The following SENP3 variants were observed in gnomAD, a reference collection of about 807,000 sequenced individuals.
SENP3 encodes SUMO specific peptidase 3.
In SENP3, 11 loss-of-function variants were observed where a neutral mutation model predicts 66.2. That is an observed-to-expected ratio of 0.17 (90% CI 0.10 to 0.28). SENP3 has a LOEUF of 0.28. Ranked by LOEUF, SENP3 falls within the 10% of genes least tolerant of loss-of-function variation. The pLI is 1.00. For missense variants in SENP3, 548 were observed against 743.7 expected, an observed-to-expected ratio of 0.74 and a Z score of 3.06; for synonymous variants, 292 against 277.6, an observed-to-expected ratio of 1.05 and a Z score of -0.52.
In SENP3 at chr17:7,565,721, T is replaced by C; in HGVS notation, c.1220T>C (p.Met407Thr). 6.2e-7 allele frequency: 1 copy of C among 1,614,002 alleles called. No homozygotes were observed. Among genetic ancestry groups the C allele is most frequent in the Non-Finnish European group, 8.5e-7 (1 of 1,179,888 alleles). ...TGCCTCCCATCTTCTCCCCAGGTGA[T>C]GAACATGTATGGAGACCTGGTCATG... ...YGQNWLNDQV[M>T]NMYGDLVMDT... The change falls in exon 6 of 11, where the codon ATG (methionine) becomes ACG (threonine). Residue 407 changes from methionine to threonine, a missense_variant. Around this residue, in one of 6 missense-constraint regions of SENP3, gnomAD observed 72 missense variants for 137.9 expected, o/e 0.52. Coordinates refer to ENST00000321337, the MANE Select transcript of SENP3 (RefSeq NM_015670.6).
rs574294709 is a variant in SENP3, at chr17:7,565,243, C to T, written c.1067+173C>T. Reference sequence around the variant, plus strand: ...TGGAAGCTGATGGGAGAGTCTTTACCTGGGACCCTGAAATGTTCTACCTGA... The same window carrying T: ...TGGAAGCTGATGGGAGAGTCTTTACTTGGGACCCTGAAATGTTCTACCTGA... On this transcript the variant is annotated intron_variant, in intron 4 of 10. Transcript: ENST00000321337. 86 of 805,114 alleles carry T rather than the reference C, an allele frequency of 1.1e-4. No homozygotes were observed. In the African/African-American group the frequency reaches 1.4e-3, roughly 13 times the overall value. 49.9% of individuals were successfully genotyped at this position (805,114 alleles called of 1,614,324 possible). A position where few individuals can be genotyped will look rare whatever the true frequency, so the allele number is the denominator to read the frequency against.
rs772697573 is a variant in SENP3, at chr17:7,563,448, GCGC to G, written c.381_383del (p.Arg128del). 7.9e-7 allele frequency: 1 copy of G among 1,259,274 alleles called. No homozygotes were observed. The highest frequency in any genetic ancestry group is 1.0e-6 in the Non-Finnish European group (1 of 954,168). 78.0% of individuals were successfully genotyped at this position (1,259,274 alleles called of 1,614,324 possible). On this transcript the variant is annotated inframe_deletion, in exon 2 of 11. Coordinates refer to ENST00000321337, the MANE Select transcript of SENP3 (RefSeq NM_015670.6). ...CCACTCATCGAAAAACCTGCTCACA[GCGC>G]CGCCGCCGAGCCATGAGAGCCTTCC...
rs1041617137 is a variant in SENP3, at chr17:7,565,533, G to A, written c.1161G>A (p.Val387=). Residue 387 remains valine (V), a synonymous_variant, in exon 5 of 11, where the codon GTG becomes GTA. Transcript: ENST00000321337. ...RGFRVAYKRH[V]LTMDDLGTLY... ...TCCGAGTGGCTTATAAGCGGCACGTGCTGACCATGGATGACTTGGGGACCT... is the reference window on the plus strand; with the variant it reads ...TCCGAGTGGCTTATAAGCGGCACGTACTGACCATGGATGACTTGGGGACCT... The A allele has an allele frequency of 5.0e-6, 8 of 1,613,778 alleles. No homozygotes were observed. In the African/African-American group the frequency reaches 9.3e-5, roughly 19 times the overall value.
In SENP3 at chr17:7,571,879, A is replaced by G. The variant is rs1396618364; in HGVS notation, c.*396A>G. ...TATATATATATATATATATATATAT[A>G]TATATATATATATATATATATATAT... On this transcript the variant is annotated 3_prime_UTR_variant, in exon 11 of 11. Transcript: ENST00000321337. The G allele has an allele frequency of 3.2e-4, 4 of 12,444 alleles. No homozygotes were observed. The highest frequency in any genetic ancestry group is 1.1e-3 in the African/African-American group (4 of 3,684). 0.8% of individuals were successfully genotyped at this position (12,444 alleles called of 1,614,324 possible).
In SENP3 at chr17:7,571,906, T is replaced by TAA. The variant is rs397962859; in HGVS notation, c.*424_*425insAA. 5.4e-4 allele frequency: 5 copies of TAA among 9,312 alleles called. 1 individual carries two copies. The highest frequency in any genetic ancestry group is 1.4e-3 in the Non-Finnish European group (4 of 2,822). The allele number at this position is 9,312 out of a possible 1,614,324, so 0.6% of individuals were successfully genotyped here. A position where few individuals can be genotyped will look rare whatever the true frequency, so the allele number is the denominator to read the frequency against. ...ATATATATATATATATATATATATA[T>TAA]ATAAAAATATATAAATGCCACGGTC... is the stretch of plus-strand genomic sequence containing the variant. On this transcript the variant is annotated 3_prime_UTR_variant, in exon 11 of 11. Transcript: ENST00000321337.
chr17:7,564,144 A>C (rs9908405), intron 2 of SENP3, among the ~76,000 whole-genome samples: 21,353 of 152,192 alleles, frequency 0.14, 1,623 homozygotes, highest in South Asian at 0.17. Flanking sequence ...ATACATCTCC[A>C]GAGGGTACCA....
Position 7,562,595 on chromosome 17 carries a change from C to T in SENP3, c.-12+332C>T, listed in dbSNP as rs1304751449. On this transcript the variant is annotated intron_variant, in intron 1 of 10. Coordinates refer to ENST00000321337, the MANE Select transcript of SENP3 (RefSeq NM_015670.6). This position sits in a 1 kb window ranked among gnomAD's most constrained non-coding sequence, Gnocchi z 5.0. ...CCCTGGCATCTGCACTTGAGATGAC[C>T]GCAGCCTTCCCATGCCCCCCGTTCA... is the stretch of plus-strand genomic sequence containing the variant. Among the ~76,000 whole-genome samples the T allele has an allele frequency of 2.0e-5, 3 of 152,208 alleles. No individual in the cohort carries two copies. The highest frequency in any genetic ancestry group is 7.2e-5 in the African/African-American group (3 of 41,454).
intron 2 of SENP3, among the ~76,000 whole-genome samples, chr17:7,564,037 G>A (rs1166634165): frequency 3.9e-5 from 6 of 152,120 alleles, no homozygotes; most frequent in South Asian, 2.1e-4. Context: ...TAGGTATCCC[G>A]TGGTCTTGAG....
In SENP3 at chr17:7,563,773, C is replaced by G. The variant is rs927411250; in HGVS notation, c.697C>G (p.Pro233Ala). The change falls in exon 2 of 11, where the codon CCT (proline) becomes GCT (alanine). Residue 233 changes from proline to alanine, a missense_variant. Pro to Ala is a conservative substitution (Grantham distance 27, BLOSUM62 -1). Coordinates refer to ENST00000321337, the MANE Select transcript of SENP3 (RefSeq NM_015670.6). ...EDGLRWTPKS[P>A]LDPDSGLLSC... is the part of the protein sequence containing the mutation. ...TGGACTCAGGTGGACTCCAAAGTCT[C>G]CTCTGGACCCTGACTCGGGTAAGGT... is the stretch of plus-strand genomic sequence containing the variant. 13 of 1,611,136 alleles carry G rather than the reference C, an allele frequency of 8.1e-6. No homozygotes were observed. The highest frequency in any genetic ancestry group is 1.0e-5 in the Non-Finnish European group (12 of 1,179,222).
Position 7,565,102 on chromosome 17 carries a change from G to T in SENP3, c.1067+32G>T. On this transcript the variant is annotated intron_variant, in intron 4 of 10. Coordinates refer to ENST00000321337, the MANE Select transcript of SENP3 (RefSeq NM_015670.6). ...CTTGAAAGCCCTCCTTGAAAGAAGG[G>T]CTGGGGCCTTGGGGATGTGGAGAGA... 2.7e-6 allele frequency: 4 copies of T among 1,485,390 alleles called. No individual in the cohort carries two copies. The South Asian group carries it at 3.4e-5, about 13-fold the overall frequency. The allele number at this position is 1,485,390 out of a possible 1,614,324, so 92.0% of individuals were successfully genotyped here. A position where few individuals can be genotyped will look rare whatever the true frequency, so the allele number is the denominator to read the frequency against.
Position 7,571,626 on chromosome 17 carries a change from A to AT in SENP3, c.*152dup, listed in dbSNP as rs901053884. 1.7e-3 allele frequency: 969 copies of AT among 567,908 alleles called. No homozygotes were observed. Among genetic ancestry groups the AT allele is most frequent in the East Asian group, 2.0e-3 (64 of 32,618 alleles). The allele number at this position is 567,908 out of a possible 1,614,324, so 35.2% of individuals were successfully genotyped here. A position where few individuals can be genotyped will look rare whatever the true frequency, so the allele number is the denominator to read the frequency against. On this transcript the variant is annotated 3_prime_UTR_variant, in exon 11 of 11. Coordinates refer to ENST00000321337, the MANE Select transcript of SENP3 (RefSeq NM_015670.6). ...CATATTTAAATGTTTCAATTTCTGT[A>AT]TTTTTTTTTCTTTGAGAGAATACTT...
At chr17:7,571,316 G>T in intron 10 of SENP3, 57 bp from the exon 11 acceptor site, 2 of 1,270,892 alleles carry the variant, frequency 1.6e-6, no homozygotes, top group South Asian at 2.4e-5. Flanking sequence ...CATATGAAAT[G>T]TGTAGCACAG....
chr17:7,568,345 C>G (rs947980345), intron 7 of SENP3, among the ~76,000 whole-genome samples: 3 of 152,256 alleles, frequency 2.0e-5, no homozygotes. Flanking sequence ...CGCCTGTACT[C>G]CCGGCACTTT....
At position 7,564,501 on chromosome 17, in the gene SENP3, G is replaced by A. The variant is rs768210395; in HGVS notation, c.716-124G>A. ...ATTTCTTGGAGTGGGATTGACATTG[G>A]TGGATTCTGCTTCAGTGTATCCTTC... On this transcript the variant is annotated intron_variant, in intron 2 of 10. Transcript: ENST00000321337. 2.8e-5 allele frequency: 38 copies of A among 1,376,024 alleles called. No individual in the cohort carries two copies. The South Asian group carries it at 4.4e-4, about 16-fold the overall frequency. 85.2% of individuals were successfully genotyped at this position (1,376,024 alleles called of 1,614,324 possible). A position where few individuals can be genotyped will look rare whatever the true frequency, so the allele number is the denominator to read the frequency against.
Position 7,563,411 on chromosome 17 carries a change from G to T in SENP3, c.335G>T (p.Arg112Leu). 3 of 682,366 alleles carry T rather than the reference G, an allele frequency of 4.4e-6. No homozygotes were observed. Among genetic ancestry groups the T allele is most frequent in the South Asian group, 3.2e-5 (2 of 62,564 alleles). The allele number at this position is 682,366 out of a possible 1,614,324, so 42.3% of individuals were successfully genotyped here. The part of the protein sequence containing the change: ...WSQLGTSQRP[R>L]PSRPTHRKTC... Reference sequence around the variant, plus strand: ...CAGCTGGGAACCTCCCAGCGGCCCCGCCCTTCCCGCCCCACTCATCGAAAA... The same window carrying T: ...CAGCTGGGAACCTCCCAGCGGCCCCTCCCTTCCCGCCCCACTCATCGAAAA... Residue 112 changes from arginine to leucine, a missense_variant, in exon 2 of 11, where the codon CGC becomes CTC. By Grantham distance (102) the Arg-to-Leu change is moderately radical (BLOSUM62 -2). Transcript: ENST00000321337.
At position 7,563,510 on chromosome 17, in the gene SENP3, C is replaced by T. The variant is rs2071240797; in HGVS notation, c.434C>T (p.Thr145Ile). ...CTCTACTCAAAAAGCACCTCGCTGACATTCCACTGGAAGCTTTGGGGGCGC... is the reference window on the plus strand; with the variant it reads ...CTCTACTCAAAAAGCACCTCGCTGATATTCCACTGGAAGCTTTGGGGGCGC... ...MLLYSKSTSL[T>I]FHWKLWGRHR... Residue 145 changes from threonine (T) to isoleucine (I), a missense_variant, in exon 2 of 11, where the codon ACA becomes ATA. Around this residue, in one of 6 missense-constraint regions of SENP3, gnomAD observed 12 missense variants for 32.5 expected, o/e 0.37. Transcript: ENST00000321337. 1.3e-6 allele frequency: 2 copies of T among 1,550,528 alleles called. No homozygotes were observed. Among genetic ancestry groups the T allele is most frequent in the Non-Finnish European group, 1.7e-6 (2 of 1,146,958 alleles).
In SENP3 at chr17:7,570,645, CTT is replaced by C; in HGVS notation, c.1480-35_1480-34del. On this transcript the variant is annotated intron_variant, in intron 8 of 10. Coordinates refer to ENST00000321337, the MANE Select transcript of SENP3 (RefSeq NM_015670.6). This position sits in a 1 kb window ranked among gnomAD's most constrained non-coding sequence, Gnocchi z 5.4. ...CACCATACTGTGTTCAATTGAGAAA[CTT>C]AGGGCATCACTTTCTTTTCCCCCAT... 1 of 1,600,290 alleles carries C rather than the reference CTT, an allele frequency of 6.2e-7. No homozygotes were observed. Among genetic ancestry groups the C allele is most frequent in the South Asian group, 1.1e-5 (1 of 89,408 alleles).
In SENP3 at chr17:7,571,526, C is replaced by A; in HGVS notation, c.*43C>A. On this transcript the variant is annotated 3_prime_UTR_variant, in exon 11 of 11. Transcript: ENST00000321337. ...CCAAGCCCATAAATGGGAAGGGAGA[C>A]ATGGGAGTCCCTTCCCAAGAAACTC... is the stretch of plus-strand genomic sequence containing the variant. The A allele has an allele frequency of 7.2e-7, 1 of 1,380,912 alleles. No homozygotes were observed. Among genetic ancestry groups the A allele is most frequent in the Non-Finnish European group, 1.0e-6 (1 of 972,002 alleles). 85.5% of individuals were successfully genotyped at this position (1,380,912 alleles called of 1,614,324 possible). A position where few individuals can be genotyped will look rare whatever the true frequency, so the allele number is the denominator to read the frequency against.
At position 7,562,571 on chromosome 17, in the gene SENP3, C is replaced by T. The variant is rs2071227235; in HGVS notation, c.-12+308C>T. Among the ~76,000 whole-genome samples the T allele has an allele frequency of 6.6e-6, 1 of 152,244 alleles. No individual in the cohort carries two copies. Among genetic ancestry groups the T allele is most frequent in the South Asian group, 2.1e-4 (1 of 4,832 alleles). On this transcript the variant is annotated intron_variant, in intron 1 of 10. Coordinates refer to ENST00000321337, the MANE Select transcript of SENP3 (RefSeq NM_015670.6). This position sits in a 1 kb window ranked among gnomAD's most constrained non-coding sequence, Gnocchi z 5.0. ...CAGCCTCTGCCCCCTGAACCATATCCCTGGCATCTGCACTTGAGATGACCG... is the reference window on the plus strand; with the variant it reads ...CAGCCTCTGCCCCCTGAACCATATCTCTGGCATCTGCACTTGAGATGACCG...
Sources: gnomAD v4.1 joint callset for allele counts (sites outside exome capture counted in the v4.1 genomes callset) on GRCh38, gnomAD v4.1.1 for gene constraint, gnomAD v4.1.1 regional missense constraint, Gnocchi (gnomAD v3.1) non-coding constraint, MANE v1.5 for transcripts, NCBI Gene and HGNC (gene_info 2026-07-23, HGNC 2026-07-21) for gene names.